Variants in THTPA observed in about 807,000 individuals in gnomAD.
THTPA encodes the protein thiamine triphosphatase.
Under a neutral mutation model 16.5 loss-of-function variants are expected in THTPA, and 16 were observed. That is an observed-to-expected ratio of 0.97 (90% confidence interval 0.66 to 1.47). THTPA has a LOEUF of 1.47. THTPA is among the 40% of genes most tolerant of loss of function. The pLI, the probability that THTPA is intolerant of heterozygous loss-of-function variation, is 0.00. For synonymous variants in THTPA, 110 were observed against 115.5 expected, an observed-to-expected ratio of 0.95 and a Z score of 0.30; for missense variants, 281 against 280.9, an observed-to-expected ratio of 1.00 and a Z score of 0.00.
the THTPA span, chr14:23,535,194 G>T: frequency 1.3e-6 from 2 of 1,530,458 alleles, no homozygotes; most frequent in Non-Finnish European, 8.8e-7. This position sits in a 1 kb window ranked among gnomAD's most constrained non-coding sequence, Gnocchi z 4.5. Context: ...AGGTGGAGGA[G>T]GCAGCAGGGG....
the THTPA span, chr14:23,525,688 C>T: frequency 6.5e-7 from 1 of 1,530,146 alleles, no homozygotes; most frequent in Non-Finnish European, 8.7e-7. The surrounding 1 kb of genome is among the most constrained non-coding windows in gnomAD (Gnocchi z 5.9). Context: ...CCTCATTACC[C>T]TCTTTGGCCA....
the THTPA span, chr14:23,524,536 G>T: frequency 1.2e-3 from 1,781 of 1,527,254 alleles, 22 homozygotes; most frequent in African/African-American, 0.021. The surrounding 1 kb of genome is among the most constrained non-coding windows in gnomAD (Gnocchi z 5.6). Flanking sequence ...CTAGGAGTTG[G>T]GGGGGAGCAC....
chr14:23,535,022 C>T, the THTPA span: 3 of 1,536,050 alleles, frequency 2.0e-6, no homozygotes, highest in South Asian at 2.4e-5. The surrounding 1 kb of genome is among the most constrained non-coding windows in gnomAD (Gnocchi z 4.5). Flanking sequence ...AGCCCTTCTT[C>T]TTCCTCCTCC....
At chr14:23,520,778 T>C in the THTPA span, 1 of 74,410 alleles carries the variant, frequency 1.3e-5, no homozygotes, top group African/African-American at 5.5e-5. This position sits in a 1 kb window ranked among gnomAD's most constrained non-coding sequence, Gnocchi z 8.7. Context: ...TGAGGTGGTT[T>C]AAAGAAACCC....
intron 1 of THTPA, 24 bp from the exon 2 acceptor site, chr14:23,558,671 T>C (rs756722721): frequency 6.2e-7 from 1 of 1,613,996 alleles, no homozygotes; most frequent in Non-Finnish European, 8.5e-7. Context: ...TCCATTTCTC[T>C]CCTCATTGTC....
the THTPA span, chr14:23,548,310 A>T: frequency 6.6e-6 from 1 of 152,180 alleles, no homozygotes; most frequent in South Asian, 2.1e-4. Context: ...AACAGGAGTT[A>T]TTTGTGACAA....
the THTPA span, chr14:23,533,297 A>G: frequency 7.0e-7 from 1 of 1,436,636 alleles, no homozygotes. The surrounding 1 kb of genome is among the most constrained non-coding windows in gnomAD (Gnocchi z 4.8). Flanking sequence ...GATGTGGGGA[A>G]CTTGCGGGCA....
At chr14:23,519,431 T>C in the THTPA span, among the ~76,000 whole-genome samples, 17 of 152,238 alleles carry the variant, frequency 1.1e-4, no homozygotes, top group African/African-American at 4.1e-4. Flanking sequence ...GTTTTATATA[T>C]AGAATTTCAA....
the THTPA span, chr14:23,532,419 C>T: frequency 2.7e-5 from 26 of 961,830 alleles, no homozygotes; most frequent in Admixed American, 3.6e-5. Flanking sequence ...ACTTTGTTAC[C>T]CTGGTACATA....
At chr14:23,544,284 A>G in the THTPA span, 2 of 98,442 alleles carry the variant, frequency 2.0e-5, no homozygotes, top group Non-Finnish European at 4.2e-5. Flanking sequence ...CAGAAAACAG[A>G]AAAAAAAAAA....
At chr14:23,527,746 T>C in the THTPA span, 1 of 1,536,110 alleles carries the variant, frequency 6.5e-7, no homozygotes, top group Non-Finnish European at 8.7e-7. Flanking sequence ...GGAGAGTGTA[T>C]GAGCCCTCAC....
the THTPA span, chr14:23,535,056 T>C: frequency 6.5e-7 from 1 of 1,536,260 alleles, no homozygotes; most frequent in East Asian, 2.4e-5. The surrounding 1 kb of genome is among the most constrained non-coding windows in gnomAD (Gnocchi z 4.5). Flanking sequence ...TTTCCACCCC[T>C]GGGTCATTTG....
rs943537266 is a variant in THTPA, at chr14:23,557,229, G to A, written c.472G>A (p.Val158Ile). 7.4e-6 allele frequency: 12 copies of A among 1,613,336 alleles called. No homozygotes were observed. Among genetic ancestry groups the A allele is most frequent in the African/African-American group, 1.3e-5 (1 of 74,908 alleles). ...CGACTTTGGCTACGCTGTGGGTGAG[G>A]TAGAGGCCCTGGTGCATGAGGAGGC... ...TADFGYAVGE[V>I]EALVHEEAEV... The change falls in exon 1 of 2, where the codon GTA becomes ATA. Residue 158 changes from valine (V) to isoleucine (I), a missense_variant. Coordinates refer to ENST00000288014, the MANE Select transcript of THTPA (RefSeq NM_024328.6).
At chr14:23,521,727 C>T in the THTPA span, 109 of 659,746 alleles carry the variant, frequency 1.7e-4, 1 homozygote, top group South Asian at 2.5e-3. Flanking sequence ...GCAAGGGCTA[C>T]ATCTGCAAGG....
the THTPA span, among the ~76,000 whole-genome samples, chr14:23,549,697 C>T: frequency 1.3e-5 from 2 of 152,122 alleles, no homozygotes; most frequent in Non-Finnish European, 2.9e-5. Context: ...GGGAATGTCC[C>T]CTTACAAAAT....
At chr14:23,523,965 C>G in the THTPA span, 1 of 1,533,802 alleles carries the variant, frequency 6.5e-7, no homozygotes, top group Admixed American at 2.0e-5. This position sits in a 1 kb window ranked among gnomAD's most constrained non-coding sequence, Gnocchi z 4.1. Flanking sequence ...AGAGGTGGCT[C>G]TGGTGTTGGG....
the THTPA span, among the ~76,000 whole-genome samples, chr14:23,514,932 C>T: frequency 6.6e-6 from 1 of 152,134 alleles, no homozygotes; most frequent in Non-Finnish European, 1.5e-5. Flanking sequence ...ACCCTTATTG[C>T]CCCCACGAAA....
the THTPA span, chr14:23,525,618 C>T: frequency 6.5e-7 from 1 of 1,535,844 alleles, no homozygotes; most frequent in South Asian, 1.2e-5. The surrounding 1 kb of genome is among the most constrained non-coding windows in gnomAD (Gnocchi z 5.9). Flanking sequence ...TCTAGAAGGG[C>T]TTTGGCTGCA....
the THTPA span, among the ~76,000 whole-genome samples, chr14:23,540,000 T>C: frequency 6.6e-6 from 1 of 152,224 alleles, no homozygotes; most frequent in Non-Finnish European, 1.5e-5. Context: ...TTGTTTTTCA[T>C]TTTTTGAGAC....
Sources: gnomAD v4.1 joint callset for allele counts (sites outside exome capture counted in the v4.1 genomes callset) on GRCh38, gnomAD v4.1.1 for gene constraint, Gnocchi (gnomAD v3.1) non-coding constraint, MANE v1.5 for transcripts, NCBI Gene and HGNC (gene_info 2026-07-23, HGNC 2026-07-21) for gene names.